The following DCBLD1 variants were observed in gnomAD, a reference collection of about 807,000 sequenced individuals.
The protein encoded by DCBLD1 is discoidin, CUB and LCCL domain-containing protein 1.
DCBLD1 carries 57 observed loss-of-function variants against 71.5 expected under a neutral mutation model. That is an observed-to-expected ratio of 0.80 (90% CI 0.64 to 0.99). The LOEUF is 0.99. Among genes scored for constraint, DCBLD1 ranks in the 50% least tolerant of loss-of-function variants. DCBLD1 has a pLI of 0.00. For missense variants in DCBLD1, 891 were observed against 923.5 expected, an observed-to-expected ratio of 0.96 and a Z score of 0.46; for synonymous variants, 380 against 363.8, an observed-to-expected ratio of 1.04 and a Z score of -0.51.
chr6:117,504,614 T>C (rs1394222675), intron 2 of DCBLD1, among the ~76,000 whole-genome samples: 2 of 152,132 alleles, frequency 1.3e-5, no homozygotes, highest in Non-Finnish European at 2.9e-5. Context: ...ACGACTGAGG[T>C]CAGAATTTTC....
At chr6:117,542,701 C>T (rs904484475) in intron 11 of DCBLD1, among the ~76,000 whole-genome samples, 5 of 152,118 alleles carry the variant, frequency 3.3e-5, no homozygotes, top group East Asian at 3.9e-4. Flanking sequence ...GGTCCAAACC[C>T]GCCTGCCATC....
At position 117,535,007 on chromosome 6, in the gene DCBLD1, C is replaced by T. The variant is rs543609074; in HGVS notation, c.720-2178C>T. 1.4e-4 allele frequency among the ~76,000 whole-genome samples: 22 copies of T among 152,276 alleles called. No individual in the cohort carries two copies. The South Asian group carries it at 3.5e-3, about 24-fold the overall frequency. On this transcript the variant is annotated intron_variant, in intron 6 of 14. Transcript: ENST00000338728. ...GCAAATAGTTAACTGTATGTTCACA[C>T]AGCCTCTTCCACTCATTTAGATTTG...
rs901326765 is a variant in DCBLD1, at chr6:117,504,068, A to C, written c.325+89A>C. 8.0e-6 allele frequency: 11 copies of C among 1,374,590 alleles called. No homozygotes were observed. In the African/African-American group the frequency reaches 1.2e-4, roughly 15 times the overall value. The allele number at this position is 1,374,590 out of a possible 1,614,324, so 85.1% of individuals were successfully genotyped here. On this transcript the variant is annotated intron_variant, in intron 2 of 14. Transcript: ENST00000338728. ...GTGGTGTGTTAATTAACGCTATATC[A>C]TGAGAAGATTAGAAGAGAAACTTGC...
At position 117,548,572 on chromosome 6, in the gene DCBLD1, C is replaced by T; in HGVS notation, c.*133C>T. 1.4e-6 allele frequency: 2 copies of T among 1,463,084 alleles called. No homozygotes were observed. The highest frequency in any genetic ancestry group is 1.8e-6 in the Non-Finnish European group (2 of 1,112,540). 90.6% of individuals were successfully genotyped at this position (1,463,084 alleles called of 1,614,324 possible). A position where few individuals can be genotyped will look rare whatever the true frequency, so the allele number is the denominator to read the frequency against. The stretch of plus-strand genomic sequence containing the variant: ...TACACTTGCATGTGTGTGTGTGATC[C>T]AGTAGGATCCTAGAGACAACCTGTC... On this transcript the variant is annotated 3_prime_UTR_variant, in exon 15 of 15. Coordinates refer to ENST00000338728, the MANE Select transcript of DCBLD1 (RefSeq NM_001366458.2).
At chr6:117,521,421 T>C in intron 3 of DCBLD1, 104 bp from the exon 4 acceptor site, 1 of 967,726 alleles carries the variant, frequency 1.0e-6, no homozygotes, top group Non-Finnish European at 1.5e-6. Flanking sequence ...ACATAGTGAA[T>C]AAATGCTTTT....
At chr6:117,496,793 A>G (rs1356522133) in intron 1 of DCBLD1, among the ~76,000 whole-genome samples, 2 of 152,254 alleles carry the variant, frequency 1.3e-5, no homozygotes, top group African/African-American at 4.8e-5. Context: ...AGGCACAACC[A>G]GTATGCTTTG....
chr6:117,499,284 G>A (rs1213901964), intron 1 of DCBLD1, among the ~76,000 whole-genome samples: 2 of 150,656 alleles, frequency 1.3e-5, no homozygotes, highest in African/African-American at 2.5e-5. Context: ...GTGTGTGCCT[G>A]TAGTTCCAGC....
In DCBLD1 at chr6:117,547,936, G is replaced by A; in HGVS notation, c.1645G>A (p.Gly549Arg). Residue 549 changes from glycine (G) to arginine (R), a missense_variant, in exon 15 of 15, where the codon GGG becomes AGG. Coordinates refer to ENST00000338728, the MANE Select transcript of DCBLD1 (RefSeq NM_001366458.2). Reference protein sequence around the residue: ...DYQQPLMIGTGTVTRKGSTFR... With the variant: ...DYQQPLMIGTRTVTRKGSTFR... The stretch of plus-strand genomic sequence containing the variant: ...CCAGCAGCCCCTCATGATTGGCACC[G>A]GGACAGTCACGAGGAAGGGCTCCAC... 2.6e-6 allele frequency: 4 copies of A among 1,550,566 alleles called. No individual in the cohort carries two copies. Among genetic ancestry groups the A allele is most frequent in the Non-Finnish European group, 3.5e-6 (4 of 1,146,962 alleles).
rs751026707 is a variant in DCBLD1, at chr6:117,539,283, G to A, written c.1005G>A (p.Ser335=). The A allele has an allele frequency of 2.0e-5, 32 of 1,605,170 alleles. No individual in the cohort carries two copies. Among genetic ancestry groups the A allele is most frequent in the Middle Eastern group, 1.7e-4 (1 of 6,030 alleles). The change falls in exon 9 of 15, where the codon TCG becomes TCA. Residue 335 remains serine, a synonymous_variant. Coordinates refer to ENST00000338728, the MANE Select transcript of DCBLD1 (RefSeq NM_001366458.2). The part of the protein sequence containing the change: ...TGIRTTGSTQ[S]NFNFYVKSFV... ...TTAGGACCACAGGATCTACACAGTC[G>A]AACTTCAACTTTTATGTTAAGAGTT...
intron 14 of DCBLD1, chr6:117,547,684 G>A (rs768746759): frequency 2.2e-6 from 2 of 919,988 alleles, no homozygotes; most frequent in East Asian, 5.3e-5. Context: ...CCCCATCTCT[G>A]AGAAGACCCT....
rs1776931130 is a variant in DCBLD1 at position 117,482,731 on chromosome 6, G to A, written c.-51G>A. On this transcript the variant is annotated 5_prime_UTR_variant, in exon 1 of 15. Coordinates refer to ENST00000338728, the MANE Select transcript of DCBLD1 (RefSeq NM_001366458.2). The stretch of plus-strand genomic sequence containing the variant: ...GGCCCGGCCCGGGCAGCTGCGGCTC[G>A]GGATCCGTCGAGGGGAGGCCGAGCT... 2 of 1,114,320 alleles carry A rather than the reference G, an allele frequency of 1.8e-6. No homozygotes were observed. Among genetic ancestry groups the A allele is most frequent in the Non-Finnish European group, 1.1e-6 (1 of 913,426 alleles). The allele number at this position is 1,114,320 out of a possible 1,614,324, so 69.0% of individuals were successfully genotyped here.
At chr6:117,538,553 T>C in intron 7 of DCBLD1, 67 bp from the exon 8 acceptor site, 1 of 1,439,276 alleles carries the variant, frequency 6.9e-7, no homozygotes, top group Admixed American at 1.8e-5. Context: ...TGAGATGTGG[T>C]ACTACTTTTT....
At chr6:117,483,355 C>T (rs1399415377) in intron 1 of DCBLD1, among the ~76,000 whole-genome samples, 2 of 152,236 alleles carry the variant, frequency 1.3e-5, no homozygotes, top group African/African-American at 4.8e-5. Flanking sequence ...CCTGCCGTCG[C>T]TCCTCCCGCG....
chr6:117,527,945 A>G (rs1371916020), intron 5 of DCBLD1, among the ~76,000 whole-genome samples: 1 of 152,208 alleles, frequency 6.6e-6, no homozygotes, highest in East Asian at 1.9e-4. Flanking sequence ...TGCCCCCAGA[A>G]CAGTTTTTCT....
At chr6:117,532,791 A>G (rs967678498) in intron 6 of DCBLD1, among the ~76,000 whole-genome samples, 3 of 152,166 alleles carry the variant, frequency 2.0e-5, no homozygotes, top group Non-Finnish European at 2.9e-5. Flanking sequence ...GAACACTCCT[A>G]GAGACAGTTG....
At chr6:117,564,053 C>T (rs1347464047) in intron 14 of DCBLD1, among the ~76,000 whole-genome samples, 13 of 151,222 alleles carry the variant, frequency 8.6e-5, no homozygotes, top group African/African-American at 3.2e-4. Context: ...TTACGGCTCA[C>T]TGCTGCCTTG....
At chr6:117,526,547 CCTCCTGACAGAG>C (rs1275868393) in intron 5 of DCBLD1, among the ~76,000 whole-genome samples, 2 of 152,202 alleles carry the variant, frequency 1.3e-5, no homozygotes, top group East Asian at 3.9e-4. Flanking sequence ...TATCTTACCT[CCTCCTGACAGAG>C]CTATATTTTT....
chr6:117,482,979 G>C (rs866687542), intron 1 of DCBLD1, 86 bp downstream of exon 1: 1 of 586,716 alleles, frequency 1.7e-6, no homozygotes, highest in Non-Finnish European at 2.0e-6. Flanking sequence ...CCGGGCCGAG[G>C]GCTACGGGGC....
intron 2 of DCBLD1, among the ~76,000 whole-genome samples, chr6:117,511,540 A>G (rs751704865): frequency 1.3e-5 from 2 of 149,028 alleles, no homozygotes; most frequent in Non-Finnish European, 3.0e-5. Flanking sequence ...TCAACTGTTA[A>G]TGTTTATGTT....
Sources: gnomAD v4.1 joint callset for allele counts (sites outside exome capture counted in the v4.1 genomes callset) on GRCh38, gnomAD v4.1.1 for gene constraint, MANE v1.5 for transcripts, NCBI Gene and HGNC (gene_info 2026-07-23, HGNC 2026-07-21) for gene names.